OTOG: variants seen among roughly 807,000 people sequenced by gnomAD.
The protein encoded by OTOG is otogelin.
A neutral mutation model predicts 313.8 loss-of-function variants in OTOG; 296 were observed. The observed-to-expected ratio is 0.94, with a 90% confidence interval of 0.86 to 1.04. The LOEUF is 1.04. Ranked by LOEUF, OTOG falls within the 50% of genes least tolerant of loss-of-function variation. OTOG has a pLI of 0.00. For missense variants in OTOG, 3,948 were observed against 3,840.1 expected, an observed-to-expected ratio of 1.03 and a Z score of -0.74; for synonymous variants, 1,533 against 1,554.9, an observed-to-expected ratio of 0.99 and a Z score of 0.33.
intron 23 of OTOG, among the ~76,000 whole-genome samples, chr11:17,580,492 G>A (rs1432944164): frequency 2.0e-5 from 3 of 152,240 alleles, no homozygotes; most frequent in Non-Finnish European, 2.9e-5. Flanking sequence ...GCAAATTGAA[G>A]GCACCTTGAG....
chr11:17,593,876 C>A, intron 27 of OTOG, 120 bp downstream of exon 27: 1 of 1,411,270 alleles, frequency 7.1e-7, no homozygotes, highest in Non-Finnish European at 9.6e-7. Context: ...TTCTCTCCTC[C>A]GCCCTGCTCT....
At chr11:17,582,258 T>C (rs1852687494) in intron 23 of OTOG, among the ~76,000 whole-genome samples, 1 of 152,142 alleles carries the variant, frequency 6.6e-6, no homozygotes, top group Non-Finnish European at 1.5e-5. Context: ...CACTATATAG[T>C]AGTTATTCCT....
chr11:17,555,969 C>T (rs1456397170), intron 7 of OTOG, 72 bp downstream of exon 7: 1 of 1,219,288 alleles, frequency 8.2e-7, no homozygotes, highest in East Asian at 2.6e-5. Flanking sequence ...TGAGCATCCG[C>T]TCTTCTCAAG....
Position 17,586,554 on chromosome 11 carries a change from A to G in OTOG, c.2840A>G (p.Asp947Gly). The G allele has an allele frequency of 7.0e-7, 1 of 1,423,488 alleles. No homozygotes were observed. The highest frequency in any genetic ancestry group is 9.2e-7 in the Non-Finnish European group (1 of 1,084,116). The allele number at this position is 1,423,488 out of a possible 1,614,324, so 88.2% of individuals were successfully genotyped here. A position where few individuals can be genotyped will look rare whatever the true frequency, so the allele number is the denominator to read the frequency against. The change falls in exon 24 of 56, where the codon GAC becomes GGC. Residue 947 changes from aspartate to glycine, a missense_variant. Physicochemically the swap from Asp to Gly is moderately conservative, Grantham distance 94. Coordinates refer to ENST00000399397, the MANE Select transcript of OTOG (RefSeq NM_001292063.2). ...TWKGKEYFPG[D>G]QVMSPCHTCV... ...AAGGGGAAGGAGTATTTCCCTGGGG[A>G]CCAGGTGATGTCTCCTTGCCATACC...
intron 33 of OTOG, among the ~76,000 whole-genome samples, chr11:17,607,632 C>T (rs1017482311): frequency 4.6e-5 from 7 of 152,188 alleles, no homozygotes; most frequent in East Asian, 1.9e-4. Context: ...TTAGCCCAGC[C>T]GCCAGGGCAG....
intron 15 of OTOG, among the ~76,000 whole-genome samples, chr11:17,563,144 T>G (rs746632516): frequency 6.6e-6 from 1 of 152,154 alleles, no homozygotes; most frequent in Non-Finnish European, 1.5e-5. Context: ...AAATGGCCAA[T>G]GTGCAAGTCT....
chr11:17,551,031 T>C (rs983676468), intron 3 of OTOG, among the ~76,000 whole-genome samples: 3 of 152,208 alleles, frequency 2.0e-5, no homozygotes, highest in African/African-American at 7.2e-5. Context: ...GAGGCTGACA[T>C]GTGAGGTAAA....
chr11:17,602,948 G>C (rs2134076401), intron 32 of OTOG, among the ~76,000 whole-genome samples: 1 of 152,334 alleles, frequency 6.6e-6, no homozygotes, highest in Admixed American at 6.5e-5. Flanking sequence ...AGTCAGGAGA[G>C]CCTTGTTAAA....
intron 19 of OTOG, 26 bp from the exon 20 acceptor site, chr11:17,574,694 C>T: frequency 6.5e-7 from 1 of 1,540,690 alleles, no homozygotes; most frequent in Non-Finnish European, 8.8e-7. Flanking sequence ...GGAGACAAAG[C>T]ATGCACCACT....
chr11:17,616,083 A>G (rs1375964232), intron 39 of OTOG, among the ~76,000 whole-genome samples: 4 of 152,124 alleles, frequency 2.6e-5, no homozygotes, highest in Non-Finnish European at 5.9e-5. Flanking sequence ...TTTTAGAGAC[A>G]GGGTCTTTCC....
intron 3 of OTOG, among the ~76,000 whole-genome samples, chr11:17,549,648 T>A (rs1431931714): frequency 6.6e-6 from 1 of 152,110 alleles, no homozygotes; most frequent in Non-Finnish European, 1.5e-5. Flanking sequence ...GGAATCCCCA[T>A]GTTTTAGTGG....
intron 33 of OTOG, 128 bp downstream of exon 33, chr11:17,606,263 GC>G: frequency 8.0e-7 from 1 of 1,247,924 alleles, no homozygotes; most frequent in Non-Finnish European, 1.1e-6. Flanking sequence ...TGGCACAGGG[GC>G]CACATGGGTG....
chr11:17,571,785 A>G (rs553092374), intron 17 of OTOG, among the ~76,000 whole-genome samples: 1 of 152,084 alleles, frequency 6.6e-6, no homozygotes, highest in Non-Finnish European at 1.5e-5. Flanking sequence ...GCGTGCGCGC[A>G]CGCATGCATG....
chr11:17,558,349 G>T, intron 9 of OTOG, 34 bp downstream of exon 9: 1 of 1,547,636 alleles, frequency 6.5e-7, no homozygotes. Flanking sequence ...CCCTACCCTA[G>T]AGCCTGACTT....
At position 17,555,262 on chromosome 11, in the gene OTOG, C is replaced by CT. The variant is rs200417281; in HGVS notation, c.541-517_541-516insT. On this transcript the variant is annotated intron_variant, in intron 6 of 55. Transcript: ENST00000399397. ...CAGCAGCACAGGAGTGAGATGTGTG[C>CT]CGATGGGTGTAGGGGAAAGTTACAA... 5.1e-3 allele frequency among the ~76,000 whole-genome samples: 764 copies of CT among 151,110 alleles called. 3 individuals carry two copies. The highest frequency in any genetic ancestry group is 0.017 in the African/African-American group (713 of 40,938).
At position 17,573,270 on chromosome 11, in the gene OTOG, G is replaced by A. The variant is rs748283428; in HGVS notation, c.2273G>A (p.Arg758His). The A allele has an allele frequency of 9.2e-6, 14 of 1,528,152 alleles. No individual in the cohort carries two copies. The Middle Eastern group carries it at 5.4e-4, about 59-fold the overall frequency. The allele number at this position is 1,528,152 out of a possible 1,614,324, so 94.7% of individuals were successfully genotyped here. The change falls in exon 19 of 56, where the codon CGC becomes CAC. Residue 758 changes from arginine (R) to histidine (H), a missense_variant. Coordinates refer to ENST00000399397, the MANE Select transcript of OTOG (RefSeq NM_001292063.2). ...CGCCATGGGCTCCCCGTTGATTTCC[G>A]CGCCCGCCTGCCAGCCTGTGGTGAG... ...CRRHGLPVDF[R>H]ARLPACALSC...
At chr11:17,625,468 A>G (rs1469619404) in intron 39 of OTOG, among the ~76,000 whole-genome samples, 1 of 152,140 alleles carries the variant, frequency 6.6e-6, no homozygotes, top group Non-Finnish European at 1.5e-5. Flanking sequence ...ACTGATTTGT[A>G]TATGTTGAAC....
At chr11:17,615,506 T>C (rs1288430551) in intron 39 of OTOG, among the ~76,000 whole-genome samples, 1 of 152,252 alleles carries the variant, frequency 6.6e-6, no homozygotes, top group Non-Finnish European at 1.5e-5. Flanking sequence ...TGTTGCATTT[T>C]AGGTTAATTT....
rs2134090427 is a variant in OTOG, at chr11:17,610,336, CA to C, written c.5037del (p.Val1681SerfsTer17). ...TPAVTKVISR[T>X]GVPQPTQAQS... ...GCAGTAACTAAGGTCATAAGCAGGA[CA>C]GGGGTCCCCCAGCCCACCCAGGCCC... is the stretch of plus-strand genomic sequence containing the variant. On this transcript the variant is annotated frameshift_variant, in exon 36 of 56. Coordinates refer to ENST00000399397, the MANE Select transcript of OTOG (RefSeq NM_001292063.2). LOFTEE classifies it high-confidence loss of function. The C allele has an allele frequency of 6.4e-7, 1 of 1,550,720 alleles. No homozygotes were observed. The highest frequency in any genetic ancestry group is 8.7e-7 in the Non-Finnish European group (1 of 1,147,006).
Sources: gnomAD v4.1 joint callset for allele counts (sites outside exome capture counted in the v4.1 genomes callset) on GRCh38, gnomAD v4.1.1 for gene constraint, MANE v1.5 for transcripts, NCBI Gene and HGNC (gene_info 2026-07-23, HGNC 2026-07-21) for gene names.